The following CCDC13 variants were observed in gnomAD, a reference collection of about 807,000 sequenced individuals.
CCDC13 encodes the protein coiled-coil domain-containing protein 13.
In CCDC13, 70 loss-of-function variants were observed where a neutral mutation model predicts 87.3. The observed-to-expected ratio is 0.80, with a 90% CI of 0.66 to 0.98. CCDC13 has a LOEUF of 0.98. Ranked by LOEUF, CCDC13 falls within the 50% of genes least tolerant of loss-of-function variation. CCDC13 has a pLI of 0.00. For missense variants in CCDC13, 842 were observed against 892.0 expected, an observed-to-expected ratio of 0.94 and a Z score of 0.71; for synonymous variants, 317 against 360.3, an observed-to-expected ratio of 0.88 and a Z score of 1.36.
At chr3:42,728,994 T>C (rs1445535397) in intron 13 of CCDC13, among the ~76,000 whole-genome samples, 2 of 152,092 alleles carry the variant, frequency 1.3e-5, no homozygotes, top group African/African-American at 2.4e-5. Context: ...AGAAGCCACA[T>C]GAAGGAGAAC....
intron 10 of CCDC13, 62 bp from the exon 11 acceptor site, chr3:42,733,671 G>T: frequency 6.5e-7 from 1 of 1,527,678 alleles, no homozygotes; most frequent in African/African-American, 1.4e-5. Flanking sequence ...GAGAAGGCAG[G>T]AGGGGATCTT....
intron 12 of CCDC13, among the ~76,000 whole-genome samples, chr3:42,731,793 A>C (rs945812437): frequency 6.6e-6 from 1 of 152,156 alleles, no homozygotes; most frequent in African/African-American, 2.4e-5. Context: ...CTGCCCTGTG[A>C]ATTCCTGTCC....
chr3:42,706,796 T>G lies in CCDC13; in HGVS notation c.*2184A>C, dbSNP rs1412984648. ...TAATTAGTGAAACGTCTTTGGGTTA[T>G]TCTTTGACATACATATTAATAACAG... is the stretch of plus-strand genomic sequence containing the variant. On this transcript the variant is annotated 3_prime_UTR_variant, in exon 16 of 16. Coordinates refer to ENST00000310232, the MANE Select transcript of CCDC13 (RefSeq NM_144719.4). The G allele has an allele frequency of 6.6e-6, 1 of 152,260 alleles. No homozygotes were observed. The highest frequency in any genetic ancestry group is 1.5e-5 in the Non-Finnish European group (1 of 68,050). The allele number at this position is 152,260 out of a possible 1,614,324, so 9.4% of individuals were successfully genotyped here.
intron 10 of CCDC13, among the ~76,000 whole-genome samples, chr3:42,733,989 C>T (rs1346000930): frequency 1.3e-5 from 2 of 152,192 alleles, no homozygotes; most frequent in Non-Finnish European, 2.9e-5. Context: ...AGGCCAGCTG[C>T]CTTCCTCAGC....
In CCDC13 at chr3:42,732,879, G is replaced by A. The variant is rs780627607; in HGVS notation, c.1595+8C>T. On this transcript the variant is annotated splice_region_variant and intron_variant, in intron 12 of 15. Coordinates refer to ENST00000310232, the MANE Select transcript of CCDC13 (RefSeq NM_144719.4). Reference sequence around the variant, plus strand: ...AACTGTGAGAGTCCGGGGGTCGGGGGTCCATACCTAGGTGAGGTCCTGTGG... The same window carrying A: ...AACTGTGAGAGTCCGGGGGTCGGGGATCCATACCTAGGTGAGGTCCTGTGG... The A allele has an allele frequency of 1.3e-6, 2 of 1,551,000 alleles. No homozygotes were observed. The highest frequency in any genetic ancestry group is 2.4e-5 in the East Asian group (1 of 40,980).
intron 13 of CCDC13, among the ~76,000 whole-genome samples, chr3:42,723,147 C>T (rs189855904): frequency 6.6e-6 from 1 of 152,248 alleles, no homozygotes. Context: ...CTGTGGACTC[C>T]GCCTGAATTC....
At position 42,706,798 on chromosome 3, in the gene CCDC13, C is replaced by A. The variant is rs1698190748; in HGVS notation, c.*2182G>T. 6.6e-6 allele frequency: 1 copy of A among 152,168 alleles called. No homozygotes were observed. The highest frequency in any genetic ancestry group is 6.5e-5 in the Admixed American group (1 of 15,290). 9.4% of individuals were successfully genotyped at this position (152,168 alleles called of 1,614,324 possible). The stretch of plus-strand genomic sequence containing the variant: ...ATTAGTGAAACGTCTTTGGGTTATT[C>A]TTTGACATACATATTAATAACAGCC... On this transcript the variant is annotated 3_prime_UTR_variant, in exon 16 of 16. Transcript: ENST00000310232.
chr3:42,714,720 G>C (rs1262022967), intron 13 of CCDC13, among the ~76,000 whole-genome samples: 2 of 152,296 alleles, frequency 1.3e-5, no homozygotes, highest in African/African-American at 4.8e-5. Flanking sequence ...CTTGGTGAAG[G>C]GTCAAAAGGA....
intron 8 of CCDC13, among the ~76,000 whole-genome samples, chr3:42,740,687 G>C (rs1575305501): frequency 1.3e-5 from 2 of 152,294 alleles, no homozygotes; most frequent in East Asian, 1.9e-4. Flanking sequence ...GAAGAGCAAA[G>C]GCCCTGGGGT....
intron 1 of CCDC13, among the ~76,000 whole-genome samples, chr3:42,769,969 C>G (rs1056389372): frequency 6.6e-6 from 1 of 152,234 alleles, no homozygotes; most frequent in African/African-American, 2.4e-5. Context: ...TGGGCTCCTG[C>G]GCGCCCCAGC....
At chr3:42,772,331 G>A (rs1311826928) in intron 1 of CCDC13, among the ~76,000 whole-genome samples, 1 of 151,110 alleles carries the variant, frequency 6.6e-6, no homozygotes, top group Admixed American at 6.6e-5. Context: ...GAGCTGCATG[G>A]AAAGAACTCT....
At chr3:42,741,116 C>T (rs1699202609) in intron 8 of CCDC13, 2 of 152,204 alleles carry the variant, frequency 1.3e-5, no homozygotes, top group Admixed American at 1.3e-4. Context: ...CATTTCAAAC[C>T]CAGCATTTCC....
rs148314356 is a variant in CCDC13, at chr3:42,743,363, C to T, written c.826-306G>A. On this transcript the variant is annotated intron_variant, in intron 7 of 15. Coordinates refer to ENST00000310232, the MANE Select transcript of CCDC13 (RefSeq NM_144719.4). ...CAGGAACCAGGGATGGATAGGATGG[C>T]AGGTCTCAGTTCAAGAAAGAATATT... Among the ~76,000 whole-genome samples the T allele has an allele frequency of 6.6e-5, 10 of 151,570 alleles. No individual in the cohort carries two copies. In the East Asian group the frequency reaches 1.9e-3, roughly 29 times the overall value.
intron 3 of CCDC13, among the ~76,000 whole-genome samples, chr3:42,756,579 TCTA>T (rs1699708175): frequency 6.7e-6 from 1 of 149,998 alleles, no homozygotes; most frequent in Admixed American, 6.6e-5. Flanking sequence ...CATACCTGGC[TCTA>T]CTGGGGCTTT....
chr3:42,723,875 G>A (rs190128033), intron 13 of CCDC13, among the ~76,000 whole-genome samples: 4 of 152,132 alleles, frequency 2.6e-5, no homozygotes, highest in East Asian at 1.9e-4. Flanking sequence ...AAAGGAAAAC[G>A]TACTGACATG....
At chr3:42,715,757 A>T (rs554690370) in intron 13 of CCDC13, among the ~76,000 whole-genome samples, 2 of 152,344 alleles carry the variant, frequency 1.3e-5, no homozygotes, top group Admixed American at 6.5e-5. Context: ...TCCACTGGTC[A>T]GTAGTGGAGT....
chr3:42,744,120 T>C (rs138548843), intron 7 of CCDC13, among the ~76,000 whole-genome samples: 1 of 152,264 alleles, frequency 6.6e-6, no homozygotes, highest in African/African-American at 2.4e-5. Context: ...GGACATGGAA[T>C]CTGCATTTTA....
Position 42,708,538 on chromosome 3 carries a change from G to C in CCDC13, c.*442C>G, listed in dbSNP as rs1022044755. 6.4e-6 allele frequency: 1 copy of C among 155,232 alleles called. No homozygotes were observed. Among genetic ancestry groups the C allele is most frequent in the Non-Finnish European group, 1.4e-5 (1 of 70,178 alleles). The allele number at this position is 155,232 out of a possible 1,614,324, so 9.6% of individuals were successfully genotyped here. On this transcript the variant is annotated 3_prime_UTR_variant, in exon 16 of 16. Transcript: ENST00000310232. ...ACAGATGGAGCCGGGATGGGGGTGA[G>C]GGGATAGGGCAGGGCTGAGTGGCAT...
chr3:42,755,349 C>T (rs889525164), intron 3 of CCDC13, among the ~76,000 whole-genome samples: 7 of 152,206 alleles, frequency 4.6e-5, no homozygotes, highest in African/African-American at 9.7e-5. Flanking sequence ...TGGCTCACAC[C>T]TGTAATCCCA....
Sources: gnomAD v4.1 joint callset for allele counts (sites outside exome capture counted in the v4.1 genomes callset) on GRCh38, gnomAD v4.1.1 for gene constraint, MANE v1.5 for transcripts, NCBI Gene and HGNC (gene_info 2026-07-23, HGNC 2026-07-21) for gene names.